Variants in RASGRP3 observed in about 807,000 individuals in gnomAD.
The protein encoded by RASGRP3 is RAS guanyl releasing protein 3, also known as ras guanyl-releasing protein 3.
RASGRP3 carries 54 observed loss-of-function variants against 82.7 expected under a neutral mutation model. The observed-to-expected ratio is 0.65, with a 90% CI of 0.52 to 0.82. RASGRP3 has a LOEUF of 0.82. Ranked by LOEUF, RASGRP3 falls within the 40% of genes least tolerant of loss-of-function variation. The pLI is 0.00. For missense variants in RASGRP3, 861 were observed against 828.9 expected, an observed-to-expected ratio of 1.04 and a Z score of -0.48; for synonymous variants, 309 against 300.5, an observed-to-expected ratio of 1.03 and a Z score of -0.29.
chr2:33,493,953 C>T (rs1340564635), intron 1 of RASGRP3, among the ~76,000 whole-genome samples: 1 of 152,084 alleles, frequency 6.6e-6, no homozygotes, highest in Non-Finnish European at 1.5e-5. Flanking sequence ...GTTTTTAAAG[C>T]AAATGCATTA....
At chr2:33,479,302 A>G (rs1487398863) in intron 1 of RASGRP3, among the ~76,000 whole-genome samples, 1 of 152,166 alleles carries the variant, frequency 6.6e-6, no homozygotes, top group East Asian at 1.9e-4. Flanking sequence ...TGATGTTGGT[A>G]AGAACAGCAA....
At chr2:33,491,956 A>G (rs908322110) in intron 1 of RASGRP3, among the ~76,000 whole-genome samples, 3 of 152,248 alleles carry the variant, frequency 2.0e-5, no homozygotes, top group African/African-American at 7.2e-5. Context: ...CTTCATGGGC[A>G]GGAGTCAGGA....
At chr2:33,484,980 C>A (rs528522619) in intron 1 of RASGRP3, among the ~76,000 whole-genome samples, 2 of 152,156 alleles carry the variant, frequency 1.3e-5, no homozygotes, top group Non-Finnish European at 2.9e-5. Context: ...AGGTGGATCA[C>A]CTGAGGTCGG....
chr2:33,487,330 A>C (rs1318192151), intron 1 of RASGRP3, among the ~76,000 whole-genome samples: 2 of 152,242 alleles, frequency 1.3e-5, no homozygotes, highest in Non-Finnish European at 2.9e-5. Flanking sequence ...GAAAAATACC[A>C]AATACCAAAA....
At chr2:33,492,485 G>A (rs1185425356) in intron 1 of RASGRP3, among the ~76,000 whole-genome samples, 9 of 152,168 alleles carry the variant, frequency 5.9e-5, no homozygotes, top group African/African-American at 2.2e-4. Context: ...ATATGTTGAA[G>A]CTCTAACCCC....
chr2:33,514,988 T>C, intron 2 of RASGRP3, 22 bp from the exon 3 acceptor site: 1 of 700,216 alleles, frequency 1.4e-6, no homozygotes, highest in South Asian at 1.8e-5. Context: ...AATAACTTTC[T>C]CTCTTTTTTC....
chr2:33,454,071 C>T (rs867901269), intron 2 of RASGRP3, among the ~76,000 whole-genome samples: 4 of 151,616 alleles, frequency 2.6e-5, no homozygotes, highest in African/African-American at 9.7e-5. Flanking sequence ...TTTTAAAAGC[C>T]ATACATAGTC....
intron 2 of RASGRP3, among the ~76,000 whole-genome samples, chr2:33,467,728 C>G (rs998098118): frequency 1.1e-4 from 16 of 152,114 alleles, no homozygotes; most frequent in African/African-American, 3.4e-4. Flanking sequence ...GGAAGTTGTA[C>G]TATCTGACAG....
At chr2:33,498,636 G>A (rs1418748738) in intron 1 of RASGRP3, among the ~76,000 whole-genome samples, 2 of 152,160 alleles carry the variant, frequency 1.3e-5, no homozygotes, top group African/African-American at 2.4e-5. Flanking sequence ...GAGCATTCCT[G>A]ATTTTCCATG....
chr2:33,536,888 C>A (rs553961667), intron 11 of RASGRP3, among the ~76,000 whole-genome samples: 27 of 152,198 alleles, frequency 1.8e-4, no homozygotes, highest in Admixed American at 1.6e-3. Context: ...TGGGCTCTGG[C>A]CCCAAGACAG....
intron 2 of RASGRP3, among the ~76,000 whole-genome samples, chr2:33,470,914 C>T (rs1333662560): frequency 6.6e-6 from 1 of 152,030 alleles, no homozygotes. Flanking sequence ...CCATTTTTCT[C>T]ATAAAATTCT....
At chr2:33,542,363 C>T (rs938467617) in intron 12 of RASGRP3, among the ~76,000 whole-genome samples, 4 of 146,504 alleles carry the variant, frequency 2.7e-5, no homozygotes, top group African/African-American at 4.9e-5. Context: ...TCTGAAAGGG[C>T]ATGTTCCCCC....
intron 11 of RASGRP3, among the ~76,000 whole-genome samples, chr2:33,535,526 A>T (rs1673522175): frequency 6.6e-6 from 1 of 151,892 alleles, no homozygotes; most frequent in Admixed American, 6.6e-5. Flanking sequence ...CTGAACCCTC[A>T]GACCGAAAGA....
intron 15 of RASGRP3, among the ~76,000 whole-genome samples, chr2:33,556,483 A>G (rs1675978123): frequency 6.9e-6 from 1 of 145,022 alleles, no homozygotes. Flanking sequence ...TCCTGACCTC[A>G]TGATCCACCC....
At chr2:33,454,160 G>GT (rs775118168) in intron 2 of RASGRP3, among the ~76,000 whole-genome samples, 6 of 150,440 alleles carry the variant, frequency 4.0e-5, no homozygotes, top group East Asian at 3.9e-4. Context: ...AGCAGGTTTG[G>GT]TTTCTTTTGA....
At chr2:33,529,982 T>G (rs1265939503) in intron 10 of RASGRP3, among the ~76,000 whole-genome samples, 1 of 152,174 alleles carries the variant, frequency 6.6e-6, no homozygotes, top group Non-Finnish European at 1.5e-5. Context: ...GAAGAAAGTT[T>G]AGTGCATAGC....
chr2:33,483,018 A>G (rs1342474156), intron 1 of RASGRP3: 1 of 149,404 alleles, frequency 6.7e-6, no homozygotes, highest in Admixed American at 6.7e-5. Flanking sequence ...CAAGAGGACA[A>G]AAGGGAACAA....
intron 13 of RASGRP3, among the ~76,000 whole-genome samples, chr2:33,545,174 C>T (rs897368261): frequency 3.2e-4 from 49 of 152,284 alleles, no homozygotes; most frequent in African/African-American, 1.1e-3. Context: ...CTATCTCTAT[C>T]TCTATATCAT....
intron 2 of RASGRP3, among the ~76,000 whole-genome samples, chr2:33,450,121 A>C (rs1025670741): frequency 2.6e-5 from 4 of 152,190 alleles, no homozygotes; most frequent in African/African-American, 9.7e-5. Flanking sequence ...GATATTGACA[A>C]ACTAAAATTG....
Sources: allele counts gnomAD v4.1 joint callset (sites outside exome capture counted in the v4.1 genomes callset), GRCh38; gene constraint gnomAD v4.1.1; transcripts MANE v1.5; gene names NCBI Gene and HGNC (gene_info 2026-07-23, HGNC 2026-07-21).